GATAD2A: variants seen among roughly 807,000 people sequenced by gnomAD.
GATAD2A encodes the protein transcriptional repressor p66-alpha.
GATAD2A carries 12 observed loss-of-function variants against 68.5 expected under a neutral mutation model. That is an observed-to-expected ratio of 0.18 (90% CI 0.11 to 0.28). The LOEUF is 0.28. GATAD2A is among the 10% of genes least tolerant of loss of function. The probability of loss-of-function intolerance (pLI) is 1.00; values close to 1 mark genes in which losing one functional copy is unlikely to be tolerated. For synonymous variants in GATAD2A, 410 were observed against 375.3 expected (o/e 1.09, Z -1.07); for missense variants, 755 against 868.5 (o/e 0.87, Z 1.64).
At chr19:19,461,267 G>A (rs1293788679) in intron 1 of GATAD2A, among the ~76,000 whole-genome samples, 1 of 152,234 alleles carries the variant, frequency 6.6e-6, no homozygotes, top group Admixed American at 6.5e-5. Flanking sequence ...GGGTGCCACA[G>A]ATGGCATTTT....
upstream of GATAD2A, among the ~76,000 whole-genome samples, chr19:19,405,643 C>A (rs1219897237): frequency 6.6e-6 from 1 of 151,840 alleles, no homozygotes; most frequent in Non-Finnish European, 1.5e-5. Flanking sequence ...ACGAGCTCCT[C>A]CCTTCTCGTC....
At chr19:19,498,342 C>G in intron 7 of GATAD2A, 101 bp from the exon 8 acceptor site, 2 of 1,044,594 alleles carry the variant, frequency 1.9e-6, no homozygotes, top group Non-Finnish European at 2.8e-6. Flanking sequence ...GTCAAGGGTA[C>G]TGGTTAGTGC....
At chr19:19,436,142 C>T (rs1568282904) in intron 1 of GATAD2A, 2 of 1,365,228 alleles carry the variant, frequency 1.5e-6, no homozygotes, top group South Asian at 1.1e-5. Flanking sequence ...TTGGTCAGCA[C>T]ATTGTCTCAA....
At chr19:19,462,764 C>A (rs546747304) in intron 1 of GATAD2A, among the ~76,000 whole-genome samples, 1 of 152,188 alleles carries the variant, frequency 6.6e-6, no homozygotes, top group African/African-American at 2.4e-5. Context: ...CCAGTGAGAA[C>A]GAAGTGAGGC....
intron 8 of GATAD2A, among the ~76,000 whole-genome samples, chr19:19,499,614 C>T (rs891718314): frequency 6.6e-6 from 1 of 152,264 alleles, no homozygotes; most frequent in South Asian, 2.1e-4. Flanking sequence ...TGGGAAGATG[C>T]TCTCCCCACT....
chr19:19,412,993 A>G (rs145321926), intron 1 of GATAD2A, among the ~76,000 whole-genome samples: 1 of 152,348 alleles, frequency 6.6e-6, no homozygotes, highest in East Asian at 1.9e-4. Context: ...CTTTCGTACC[A>G]TGGTAAAGTT....
upstream of GATAD2A, among the ~76,000 whole-genome samples, chr19:19,401,497 G>A (rs1437975201): frequency 6.6e-6 from 1 of 152,070 alleles, no homozygotes; most frequent in Non-Finnish European, 1.5e-5. Context: ...ACAGGTGCGA[G>A]CCACTGCGCC....
intron 1 of GATAD2A, among the ~76,000 whole-genome samples, chr19:19,428,706 A>T (rs909318161): frequency 6.6e-6 from 1 of 152,092 alleles, no homozygotes; most frequent in African/African-American, 2.4e-5. Context: ...AGAACTGTGA[A>T]TGGGGTTTTA....
intron 1 of GATAD2A, among the ~76,000 whole-genome samples, chr19:19,450,635 A>G (rs915927274): frequency 6.6e-6 from 1 of 150,976 alleles, no homozygotes; most frequent in African/African-American, 2.4e-5. Flanking sequence ...TCCCCGTACC[A>G]CAAGGTGCTG....
At position 19,501,360 on chromosome 19, in the gene GATAD2A, G is replaced by A; in HGVS notation, c.1447G>A (p.Ala483Thr). The change falls in exon 9 of 12, where the codon GCC becomes ACC. Residue 483 changes from alanine to threonine, a missense_variant. Coordinates refer to ENST00000683918, the MANE Select transcript of GATAD2A (RefSeq NM_001384528.1). ...GCAGCGGCTCCTGCAGCAGGGCACG[G>A]CCCCTGCACAGGCCAAGGCCGAGCC... ...IEQRLLQQGT[A>T]PAQAKAEPTA... is the part of the protein sequence containing the mutation. The A allele has an allele frequency of 6.2e-7, 1 of 1,611,476 alleles. No homozygotes were observed. The highest frequency in any genetic ancestry group is 1.1e-5 in the South Asian group (1 of 90,944).
Position 19,508,264 on chromosome 19 carries a change from G to C in GATAD2A, c.*2790G>C, listed in dbSNP as rs1454789657. 6.6e-6 allele frequency: 1 copy of C among 152,302 alleles called. No homozygotes were observed. The highest frequency in any genetic ancestry group is 2.4e-5 in the African/African-American group (1 of 41,456). 9.4% of individuals were successfully genotyped at this position (152,302 alleles called of 1,614,324 possible). ...TAGGGGAGGTTGGGGGTAGGGTTTG[G>C]AATGGCCAAGTGCCCTTGGAACCTC... On this transcript the variant is annotated 3_prime_UTR_variant, in exon 12 of 12. Coordinates refer to ENST00000683918, the MANE Select transcript of GATAD2A (RefSeq NM_001384528.1).
At chr19:19,495,708 G>C (rs761698018) in intron 5 of GATAD2A, 46 bp from the exon 6 acceptor site, 4 of 1,531,014 alleles carry the variant, frequency 2.6e-6, no homozygotes, top group Non-Finnish European at 2.7e-6. Context: ...AAAAAAGTGT[G>C]GGGGGGTCCG....
At chr19:19,417,980 G>T (rs1259216703) in intron 1 of GATAD2A, among the ~76,000 whole-genome samples, 1 of 152,140 alleles carries the variant, frequency 6.6e-6, no homozygotes, top group African/African-American at 2.4e-5. Flanking sequence ...AACAGGGCAG[G>T]GTGTCATGAT....
chr19:19,398,987 C>A (rs936921058), intron 1 of GATAD2A, among the ~76,000 whole-genome samples: 3 of 151,904 alleles, frequency 2.0e-5, no homozygotes, highest in African/African-American at 4.8e-5. Flanking sequence ...TGAACCCGGG[C>A]AGCAGGGGTT....
At chr19:19,445,289 G>A (rs1490625455) in intron 1 of GATAD2A, among the ~76,000 whole-genome samples, 1 of 152,106 alleles carries the variant, frequency 6.6e-6, no homozygotes, top group Non-Finnish European at 1.5e-5. Context: ...TGTGCTGTTG[G>A]GGTCACAGCA....
chr19:19,492,136 A>G (rs751856), intron 2 of GATAD2A, among the ~76,000 whole-genome samples, 170 bp from the exon 3 acceptor site: 65,482 of 152,090 alleles, frequency 0.43, 15,482 homozygotes, highest in African/African-American at 0.62. Context: ...ACGTGTGGGT[A>G]AGAAGAAGGA....
At chr19:19,458,345 C>A (rs556497700) in intron 1 of GATAD2A, 1 of 152,220 alleles carries the variant, frequency 6.6e-6, no homozygotes, top group Admixed American at 6.5e-5. Flanking sequence ...TCTCAGTCCC[C>A]ATGTCTTGGA....
intron 2 of GATAD2A, among the ~76,000 whole-genome samples, chr19:19,477,750 T>C (rs1377172839): frequency 6.6e-6 from 1 of 152,042 alleles, no homozygotes; most frequent in Non-Finnish European, 1.5e-5. Context: ...TCTCAGGCAT[T>C]TGGACGGGAG....
intron 2 of GATAD2A, among the ~76,000 whole-genome samples, chr19:19,476,887 T>C (rs910070601): frequency 6.6e-6 from 1 of 152,226 alleles, no homozygotes. Flanking sequence ...CTGAGGTTTT[T>C]CTTCTCTCTC....
Sources: gnomAD v4.1 joint callset for allele counts (sites outside exome capture counted in the v4.1 genomes callset) on GRCh38, gnomAD v4.1.1 for gene constraint, MANE v1.5 for transcripts, NCBI Gene and HGNC (gene_info 2026-07-23, HGNC 2026-07-21) for gene names.